The following GPBP1 variants were observed in gnomAD, a reference collection of about 807,000 sequenced individuals.
GPBP1 encodes vasculin.
Under a neutral mutation model 56.5 loss-of-function variants are expected in GPBP1, and 13 were observed. The observed-to-expected ratio is 0.23, with a 90% CI of 0.15 to 0.37. The LOEUF is 0.37. GPBP1 is among the 10% of genes least tolerant of loss of function. The pLI, the probability that GPBP1 is intolerant of heterozygous loss-of-function variation, is 1.00. For synonymous variants in GPBP1, 204 were observed against 188.9 expected, an observed-to-expected ratio of 1.08 and a Z score of -0.66; for missense variants, 477 against 572.3, an observed-to-expected ratio of 0.83 and a Z score of 1.70.
chr5:57,207,610 A>C lies in GPBP1; in HGVS notation c.-57-6464A>C, dbSNP rs1194785451. On this transcript the variant is annotated intron_variant, in intron 2 of 11. Transcript: ENST00000506184. ...CAGTTAGATGCCCTGCCTTATCGCA[A>C]GGACAGAGGGCTTTTTTGCCTTGGT... Among the ~76,000 whole-genome samples the C allele has an allele frequency of 2.0e-5, 3 of 152,206 alleles. No homozygotes were observed. The East Asian group carries it at 5.8e-4, about 29-fold the overall frequency.
chr5:57,247,145 G>A lies in GPBP1; in HGVS notation c.734G>A (p.Gly245Asp). 1.2e-6 allele frequency: 2 copies of A among 1,613,706 alleles called. No homozygotes were observed. The highest frequency in any genetic ancestry group is 1.7e-6 in the Non-Finnish European group (2 of 1,179,774). ...TCTTTCCCTCATGAGTCCACATTTG[G>A]CGTTGGCAACTTTAATGCTTTTAAA... is the stretch of plus-strand genomic sequence containing the variant. ...GTSFPHESTF[G>D]VGNFNAFKST... Residue 245 changes from glycine to aspartate, a missense_variant, in exon 8 of 12, where the codon GGC (glycine) becomes GAC (aspartate). Physicochemically the swap from Gly to Asp is moderately conservative, Grantham distance 94. Around this residue, in one of 2 missense-constraint regions of GPBP1, gnomAD observed 414 missense variants for 458.2 expected, o/e 0.90. Transcript: ENST00000506184.
intron 3 of GPBP1, among the ~76,000 whole-genome samples, chr5:57,219,375 C>CAAAAAAAAAAAA (rs869152603): frequency 2.8e-5 from 1 of 35,318 alleles, no homozygotes; most frequent in African/African-American, 1.1e-4. Context: ...GACTCTGTCT[C>CAAAAAAAAAAAA]AAAAAAAAAA....
chr5:57,228,659 A>AT (rs1756303405), intron 3 of GPBP1, among the ~76,000 whole-genome samples: 1 of 152,024 alleles, frequency 6.6e-6, no homozygotes, highest in Non-Finnish European at 1.5e-5. Flanking sequence ...AGCGGGGGAA[A>AT]TTTTTTTAAG....
At chr5:57,223,462 C>T (rs1756040709) in intron 3 of GPBP1, among the ~76,000 whole-genome samples, 1 of 152,066 alleles carries the variant, frequency 6.6e-6, no homozygotes, top group African/African-American at 2.4e-5. Flanking sequence ...ATCAGTGGTA[C>T]CTTATCATGG....
chr5:57,227,803 C>T (rs991273551), intron 3 of GPBP1, among the ~76,000 whole-genome samples: 2 of 152,160 alleles, frequency 1.3e-5, no homozygotes, highest in Non-Finnish European at 1.5e-5. Flanking sequence ...TCCAGGCTAG[C>T]TTGTTAGCTT....
chr5:57,243,807 C>T (rs1214293334), intron 6 of GPBP1, among the ~76,000 whole-genome samples: 1 of 151,688 alleles, frequency 6.6e-6, no homozygotes, highest in African/African-American at 2.4e-5. Context: ...ATGTCAGCCC[C>T]CCAAGTAGCT....
chr5:57,233,878 A>G (rs367622574), intron 5 of GPBP1, among the ~76,000 whole-genome samples: 1 of 152,228 alleles, frequency 6.6e-6, no homozygotes, highest in Non-Finnish European at 1.5e-5. Context: ...TAGTAATACA[A>G]TTAAATTACT....
intron 10 of GPBP1, among the ~76,000 whole-genome samples, chr5:57,259,297 T>G (rs1471147796): frequency 1.3e-5 from 2 of 152,222 alleles, no homozygotes; most frequent in Non-Finnish European, 1.5e-5. Flanking sequence ...GGATATCATG[T>G]TATGTTTTAT....
intron 2 of GPBP1, among the ~76,000 whole-genome samples, chr5:57,181,347 GAATT>G (rs1301419719): frequency 4.6e-5 from 7 of 150,656 alleles, no homozygotes; most frequent in African/African-American, 1.5e-4. Context: ...AAATGAATAA[GAATT>G]AAAGAGATGA....
intron 6 of GPBP1, among the ~76,000 whole-genome samples, chr5:57,236,397 G>C (rs929753): frequency 6.6e-6 from 1 of 151,908 alleles, no homozygotes; most frequent in South Asian, 2.1e-4. Context: ...ACTTTAACTG[G>C]AAATACTTCT....
At chr5:57,200,147 C>T (rs1754946125) in intron 2 of GPBP1, among the ~76,000 whole-genome samples, 1 of 148,486 alleles carries the variant, frequency 6.7e-6, no homozygotes, top group Non-Finnish European at 1.5e-5. Context: ...CCCTCCCCTC[C>T]CCTGCTTCCT....
intron 11 of GPBP1, among the ~76,000 whole-genome samples, chr5:57,261,914 ACT>A (rs1298503264): frequency 3.9e-5 from 6 of 151,958 alleles, no homozygotes; most frequent in Admixed American, 1.3e-4. Flanking sequence ...TTGGGGTCTC[ACT>A]CTGTCATCTA....
intron 3 of GPBP1, among the ~76,000 whole-genome samples, chr5:57,216,139 GAGTGGGGGT>G (rs1755690931): frequency 6.6e-6 from 1 of 152,188 alleles, no homozygotes; most frequent in Non-Finnish European, 1.5e-5. Flanking sequence ...TTCATTCTGT[GAGTGGGGGT>G]TGGGTGGAAT....
chr5:57,222,909 A>T (rs947044237), intron 3 of GPBP1, among the ~76,000 whole-genome samples: 2 of 152,030 alleles, frequency 1.3e-5, no homozygotes, highest in Admixed American at 1.3e-4. Context: ...TTTCGTTTTG[A>T]TTTGCATCAC....
At position 57,200,965 on chromosome 5, in the gene GPBP1, ACCATGCCTGGC is replaced by A. The variant is rs202003664; in HGVS notation, c.-57-13097_-57-13087del. On this transcript the variant is annotated intron_variant, in intron 2 of 11. Coordinates refer to ENST00000506184, the MANE Select transcript of GPBP1 (RefSeq NM_022913.4). Reference sequence around the variant, plus strand: ...AGTGCTGGGATTACAGGTGCAAGCCACCATGCCTGGCCCATGCCTGGCTAATTTTTGTATTT... The same window carrying A: ...AGTGCTGGGATTACAGGTGCAAGCCACCATGCCTGGCTAATTTTTGTATTT... 2.4e-4 allele frequency among the ~76,000 whole-genome samples: 36 copies of A among 152,244 alleles called. No homozygotes were observed. The East Asian group carries it at 6.8e-3, about 29-fold the overall frequency.
intron 3 of GPBP1, among the ~76,000 whole-genome samples, chr5:57,217,942 TTTCAC>T (rs1329716460): frequency 6.6e-6 from 1 of 152,180 alleles, no homozygotes; most frequent in African/African-American, 2.4e-5. Context: ...GTTAATTTCT[TTTCAC>T]TTATGAAATT....
intron 3 of GPBP1, among the ~76,000 whole-genome samples, chr5:57,216,656 A>T (rs1328637274): frequency 1.3e-5 from 2 of 152,184 alleles, no homozygotes; most frequent in Non-Finnish European, 2.9e-5. Flanking sequence ...ACTGCAGTCC[A>T]GCCTGGGTGA....
chr5:57,204,156 GCAAA>G lies in GPBP1; in HGVS notation c.-57-9914_-57-9911del, dbSNP rs531184011. On this transcript the variant is annotated intron_variant, in intron 2 of 11. Transcript: ENST00000506184. ...TTTCGTTAATTATGTTAAAACTGAA[GCAAA>G]CAATTCAGTGGAATAAAAATGTCAT... Among the ~76,000 whole-genome samples the G allele has an allele frequency of 5.7e-3, 873 of 152,230 alleles. 10 individuals are homozygous for G. The highest frequency in any genetic ancestry group is 8.0e-3 in the Non-Finnish European group (545 of 67,994).
intron 6 of GPBP1, among the ~76,000 whole-genome samples, chr5:57,236,888 A>C (rs910735053): frequency 6.6e-6 from 1 of 152,152 alleles, no homozygotes; most frequent in Non-Finnish European, 1.5e-5. Flanking sequence ...TTGACAGCAT[A>C]CTAGTCCTAA....
Sources: allele counts gnomAD v4.1 joint callset (sites outside exome capture counted in the v4.1 genomes callset), GRCh38; gene constraint gnomAD v4.1.1; regional missense constraint gnomAD v4.1.1; transcripts MANE v1.5; gene names NCBI Gene and HGNC (gene_info 2026-07-23, HGNC 2026-07-21).